EBF2: variants seen among roughly 807,000 people sequenced by gnomAD.
The protein encoded by EBF2 is EBF transcription factor 2, also known as transcription factor COE2.
A neutral mutation model predicts 72.8 loss-of-function variants in EBF2; 21 were observed. The observed-to-expected ratio is 0.29, with a 90% CI of 0.20 to 0.42. The LOEUF (loss-of-function observed/expected upper bound fraction) is 0.42. EBF2 is among the 10% of genes least tolerant of loss of function. The pLI is 1.00. For missense variants in EBF2, 637 were observed against 731.2 expected (o/e 0.87, Z 1.49); for synonymous variants, 299 against 274.2 (o/e 1.09, Z -0.89).
At chr8:26,034,960 T>C (rs923634593) in intron 5 of EBF2, among the ~76,000 whole-genome samples, 2 of 152,170 alleles carry the variant, frequency 1.3e-5, no homozygotes, top group Non-Finnish European at 2.9e-5. Flanking sequence ...CCCTCTGGGC[T>C]TTTTCTTTCT....
At chr8:25,867,621 G>A (rs1025965116) in intron 10 of EBF2, among the ~76,000 whole-genome samples, 2 of 152,060 alleles carry the variant, frequency 1.3e-5, no homozygotes. Flanking sequence ...CGTTCCCCTG[G>A]GCAACTTCAT....
At chr8:25,958,712 G>A (rs1437976800) in intron 6 of EBF2, among the ~76,000 whole-genome samples, 2 of 152,098 alleles carry the variant, frequency 1.3e-5, no homozygotes, top group African/African-American at 4.8e-5. Context: ...TGCCAGTGAC[G>A]GGCCATTGTT....
At chr8:25,951,450 A>G (rs1279095578) in intron 6 of EBF2, among the ~76,000 whole-genome samples, 1 of 152,186 alleles carries the variant, frequency 6.6e-6, no homozygotes, top group Non-Finnish European at 1.5e-5. Flanking sequence ...AAATGGTGGC[A>G]CCACTGGATG....
chr8:26,015,972 C>A (rs776433193), intron 6 of EBF2, among the ~76,000 whole-genome samples: 53 of 152,200 alleles, frequency 3.5e-4, no homozygotes, highest in Non-Finnish European at 7.1e-4. Flanking sequence ...TGCTCTAGAT[C>A]AAGGCCCTAA....
At chr8:26,039,952 G>A (rs558731959) in intron 5 of EBF2, 76 bp downstream of exon 5, 332 of 1,530,992 alleles carry the variant, frequency 2.2e-4, no homozygotes, top group Non-Finnish European at 6.0e-5. Flanking sequence ...AGTTAGTCCC[G>A]GGAACGCGGC....
chr8:25,987,926 G>T (rs889384413), intron 6 of EBF2, among the ~76,000 whole-genome samples: 2 of 151,984 alleles, frequency 1.3e-5, no homozygotes, highest in Non-Finnish European at 2.9e-5. Flanking sequence ...GTCATGTCTT[G>T]AGGAGATCTA....
intron 4 of EBF2, 46 bp downstream of exon 4, chr8:26,040,570 C>T (rs1392656096): frequency 1.3e-6 from 2 of 1,536,832 alleles, no homozygotes; most frequent in Admixed American, 4.0e-5. Context: ...GTTTGGGGGT[C>T]GGGGTCAGAG....
At chr8:25,902,316 C>A (rs1373923362) in intron 7 of EBF2, among the ~76,000 whole-genome samples, 3 of 152,048 alleles carry the variant, frequency 2.0e-5, no homozygotes, top group Non-Finnish European at 4.4e-5. Flanking sequence ...ACATACATTT[C>A]TTTTCTTTTC....
intron 6 of EBF2, among the ~76,000 whole-genome samples, chr8:25,964,137 C>A (rs1804077608): frequency 6.6e-6 from 1 of 151,972 alleles, no homozygotes; most frequent in South Asian, 2.1e-4. Flanking sequence ...CACCCCAGTA[C>A]AAGGGGAGGG....
chr8:25,851,584 G>GT (rs1277026907), intron 14 of EBF2, among the ~76,000 whole-genome samples: 2 of 146,246 alleles, frequency 1.4e-5, no homozygotes, highest in East Asian at 3.8e-4. Context: ...TTCAACTTAA[G>GT]AAAGGAGTAA....
intron 6 of EBF2, among the ~76,000 whole-genome samples, chr8:25,972,929 C>A (rs147928861): frequency 0.011 from 1,413 of 134,336 alleles, 9 homozygotes; most frequent in South Asian, 0.028. Context: ...ACTTGCCTTA[C>A]ATTTCAAAAT....
At chr8:26,028,189 T>TAAACTTCAG (rs1215927086) in intron 6 of EBF2, among the ~76,000 whole-genome samples, 1 of 152,178 alleles carries the variant, frequency 6.6e-6, no homozygotes, top group Non-Finnish European at 1.5e-5. Flanking sequence ...CATGGGCAAA[T>TAAACTTCAG]AAACTTCAGT....
intron 10 of EBF2, among the ~76,000 whole-genome samples, chr8:25,880,491 T>C (rs968666812): frequency 6.6e-6 from 1 of 152,232 alleles, no homozygotes; most frequent in African/African-American, 2.4e-5. Flanking sequence ...CATTCCATCT[T>C]TTCTGCGTTG....
At chr8:25,908,676 T>C in intron 6 of EBF2, 121 bp from the exon 7 acceptor site, 1 of 710,662 alleles carries the variant, frequency 1.4e-6, no homozygotes, top group Non-Finnish European at 2.4e-6. Context: ...AATTTCAACC[T>C]GCCCTGCCTG....
chr8:26,032,333 C>T (rs1358922757), intron 6 of EBF2: 1 of 152,204 alleles, frequency 6.6e-6, no homozygotes, highest in Non-Finnish European at 1.5e-5. Flanking sequence ...CAATCCATTT[C>T]AGGACCTGGC....
intron 6 of EBF2, among the ~76,000 whole-genome samples, chr8:25,969,338 T>G (rs1021708773): frequency 2.6e-5 from 4 of 152,244 alleles, no homozygotes; most frequent in African/African-American, 9.6e-5. Flanking sequence ...CATCAAGCCC[T>G]GAGAGCTAGA....
At chr8:25,976,352 C>T (rs1273386778) in intron 6 of EBF2, among the ~76,000 whole-genome samples, 3 of 152,116 alleles carry the variant, frequency 2.0e-5, no homozygotes, top group South Asian at 2.1e-4. Context: ...AAGCACTGCT[C>T]GACTATTAAG....
intron 6 of EBF2, among the ~76,000 whole-genome samples, chr8:26,002,889 G>T (rs1804760495): frequency 3.8e-5 from 1 of 26,252 alleles, no homozygotes; most frequent in African/African-American, 1.5e-4. Flanking sequence ...CGGGCAGGCG[G>T]GCAGGCAGGC....
At chr8:25,911,470 C>T (rs527267980) in intron 6 of EBF2, among the ~76,000 whole-genome samples, 13 of 152,268 alleles carry the variant, frequency 8.5e-5, no homozygotes, top group African/African-American at 2.9e-4. Context: ...GATGGCAATC[C>T]GGTCCCTAGG....
Sources: allele counts gnomAD v4.1 joint callset (sites outside exome capture counted in the v4.1 genomes callset), GRCh38; gene constraint gnomAD v4.1.1; transcripts MANE v1.5; gene names NCBI Gene and HGNC (gene_info 2026-07-23, HGNC 2026-07-21).